The following ABR variants were observed in gnomAD, a reference collection of about 807,000 sequenced individuals.
ABR encodes ABR activator of RhoGEF and GTPase.
In ABR, 35 loss-of-function variants were observed where a neutral mutation model predicts 107.2. The observed-to-expected ratio is 0.33, with a 90% CI of 0.25 to 0.43. The LOEUF (loss-of-function observed/expected upper bound fraction) is 0.43, where lower values mean the gene tolerates loss of function less well. Among genes scored for constraint, ABR ranks in the 20% least tolerant of loss-of-function variants. ABR has a pLI of 1.00. For missense variants in ABR, 815 were observed against 1,115.2 expected (o/e 0.73, Z 3.83); for synonymous variants, 498 against 462.0 (o/e 1.08, Z -1.00).
intron 1 of ABR, among the ~76,000 whole-genome samples, chr17:1,138,792 A>C (rs1016406581): frequency 4.6e-5 from 7 of 152,200 alleles, no homozygotes; most frequent in Non-Finnish European, 7.3e-5. Context: ...AAACTTCTTA[A>C]AAATTTAAAA....
At chr17:1,056,334 G>A (rs557409018) in intron 13 of ABR, among the ~76,000 whole-genome samples, 1 of 152,138 alleles carries the variant, frequency 6.6e-6, no homozygotes, top group South Asian at 2.1e-4. Flanking sequence ...CAGCCTGGGG[G>A]GGTCCAGCAC....
intron 1 of ABR, among the ~76,000 whole-genome samples, chr17:1,159,296 C>G (rs370496123): frequency 2.0e-5 from 1 of 49,740 alleles, no homozygotes; most frequent in Non-Finnish European, 4.2e-5. Context: ...GGTAAGAATG[C>G]GGTACTCACA....
Position 1,200,538 on chromosome 17 carries a change from G to A in ABR, c.838+28255C>T, listed in dbSNP as rs2042651698. On this transcript the variant is annotated intron_variant, in intron 1 of 22. Coordinates refer to the ABR transcript ENST00000574139. This position sits in a 1 kb window ranked among gnomAD's most constrained non-coding sequence, Gnocchi z 4.1. ...ATGGAGGGACAGGTGTAATTGGAGT[G>A]GCTCTCCAGACTGTGCCCAGGAATT... 6.6e-6 allele frequency among the ~76,000 whole-genome samples: 1 copy of A among 151,966 alleles called. No individual in the cohort carries two copies. Among genetic ancestry groups the A allele is most frequent in the African/African-American group, 2.4e-5 (1 of 41,374 alleles).
chr17:1,167,070 G>A (rs114169080), intron 1 of ABR, among the ~76,000 whole-genome samples: 2,260 of 152,140 alleles, frequency 0.015, 59 homozygotes, highest in African/African-American at 0.051. Flanking sequence ...ATCAAAATGT[G>A]CATGTCCATC....
At chr17:1,156,993 C>T (rs987826382) in intron 1 of ABR, among the ~76,000 whole-genome samples, 17 of 152,222 alleles carry the variant, frequency 1.1e-4, no homozygotes, top group African/African-American at 3.9e-4. Context: ...CAGGCTCTGA[C>T]GCACAGGCAG....
At position 1,096,664 on chromosome 17, in the gene ABR, G is replaced by C. The variant is rs111873084; in HGVS notation, c.345+3973C>G. Among the ~76,000 whole-genome samples the C allele has an allele frequency of 3.1e-3, 471 of 152,282 alleles. 3 individuals are homozygous for C. The highest frequency in any genetic ancestry group is 0.011 in the African/African-American group (450 of 41,548). On this transcript the variant is annotated intron_variant, in intron 3 of 22. Transcript: ENST00000302538. ...GAAAGAGCCAAGCAGGGGCCCAGGAGGAGAGAGCTGGGGGAAGGTGGGGAA... is the reference window on the plus strand; with the variant it reads ...GAAAGAGCCAAGCAGGGGCCCAGGACGAGAGAGCTGGGGGAAGGTGGGGAA...
intron 10 of ABR, among the ~76,000 whole-genome samples, chr17:1,063,446 G>A (rs1298573599): frequency 6.7e-6 from 1 of 148,876 alleles, no homozygotes; most frequent in Admixed American, 6.8e-5. Context: ...TACGTGAACT[G>A]AGGGCTATGC....
chr17:1,124,321 C>G (rs140100996), intron 2 of ABR, among the ~76,000 whole-genome samples: 78 of 152,268 alleles, frequency 5.1e-4, no homozygotes, highest in Non-Finnish European at 9.4e-4. Flanking sequence ...GAAGGCAGGA[C>G]GGAGACCCCC....
At chr17:1,153,929 T>A (rs1384391404) in intron 1 of ABR, 2 of 173,606 alleles carry the variant, frequency 1.2e-5, no homozygotes, top group Non-Finnish European at 2.5e-5. Flanking sequence ...GTGGTCACCA[T>A]AGCAACAGGC....
At chr17:1,067,010 CTG>C (rs2034807734) in intron 10 of ABR, 65 bp downstream of exon 10, 2 of 1,551,552 alleles carry the variant, frequency 1.3e-6, no homozygotes, top group African/African-American at 1.4e-5. Context: ...TTACAACTTC[CTG>C]CCTCCACCTC....
At chr17:1,122,254 G>A (rs986281874) in intron 2 of ABR, among the ~76,000 whole-genome samples, 2 of 152,210 alleles carry the variant, frequency 1.3e-5, no homozygotes, top group African/African-American at 4.8e-5. Flanking sequence ...TCCATCCTGG[G>A]TGGCTGAAGG....
intron 10 of ABR, among the ~76,000 whole-genome samples, chr17:1,059,243 G>C (rs1036439705): frequency 6.6e-6 from 1 of 152,144 alleles, no homozygotes; most frequent in Non-Finnish European, 1.5e-5. Context: ...CAGGGCTGCC[G>C]ACATAACGGA....
chr17:1,098,531 A>C (rs2037642072), intron 3 of ABR, among the ~76,000 whole-genome samples: 1 of 152,200 alleles, frequency 6.6e-6, no homozygotes, highest in Admixed American at 6.5e-5. Flanking sequence ...ATTGGTTTAA[A>C]AATGCTGGTT....
At position 1,042,916 on chromosome 17, in the gene ABR, A is replaced by G. The variant is rs1011211029; in HGVS notation, c.1791+7134T>C. Reference sequence around the variant, plus strand: ...GGAGGAAATTCAGACACACAACGGCATATGGGTGAAGCTCAAGGACATGAG... The same window carrying G: ...GGAGGAAATTCAGACACACAACGGCGTATGGGTGAAGCTCAAGGACATGAG... On this transcript the variant is annotated intron_variant, in intron 16 of 22. Coordinates refer to ENST00000302538, the MANE Select transcript of ABR (RefSeq NM_021962.5). Among the ~76,000 whole-genome samples the G allele has an allele frequency of 1.8e-4, 27 of 152,222 alleles. 1 individual carries two copies. The highest frequency in any genetic ancestry group is 6.5e-4 in the African/African-American group (27 of 41,450).
intron 1 of ABR, among the ~76,000 whole-genome samples, chr17:1,186,648 T>G (rs2042305051): frequency 6.6e-6 from 1 of 152,144 alleles, no homozygotes. Flanking sequence ...GAGCCACCGT[T>G]TTAGGAGGGT....
chr17:1,153,974 T>TA, intron 1 of ABR: 1 of 166,964 alleles, frequency 6.0e-6, no homozygotes, highest in Non-Finnish European at 1.3e-5. Flanking sequence ...GCTGATGCAA[T>TA]TCTCGGCAGC....
chr17:1,205,167 G>T (rs66782701), intron 1 of ABR, among the ~76,000 whole-genome samples: 54,041 of 151,942 alleles, frequency 0.36, 11,074 homozygotes, highest in Non-Finnish European at 0.48. Flanking sequence ...CTCCCAAAGT[G>T]CTGGGATTGC....
chr17:1,081,778 C>T (rs983618604), intron 5 of ABR, among the ~76,000 whole-genome samples: 3 of 151,298 alleles, frequency 2.0e-5, no homozygotes, highest in Admixed American at 6.6e-5. Context: ...CGTTTCGCCA[C>T]GTTGGCCAGG....
In ABR at chr17:1,179,721, G is replaced by C. The variant is rs1245741460; in HGVS notation, c.7C>G (p.Pro3Ala). The C allele has an allele frequency of 4.5e-6, 7 of 1,540,920 alleles. No individual in the cohort carries two copies. The highest frequency in any genetic ancestry group is 6.1e-6 in the Non-Finnish European group (7 of 1,143,122). The part of the protein sequence containing the change: ME[P>A]LSHRGLPRLS... ...CGCGGCAGGCCCCGGTGGCTGAGCG[G>C]CTCCATCCCGCGGCGGCGGCTCGGT... is the stretch of plus-strand genomic sequence containing the variant. Residue 3 changes from proline (P) to alanine (A), a missense_variant, in exon 1 of 23, where the codon CCG (proline) becomes GCG (alanine). Transcript: ENST00000302538. This position sits in a 1 kb window ranked among gnomAD's most constrained non-coding sequence, Gnocchi z 4.9.
Sources: gnomAD v4.1 joint callset for allele counts (sites outside exome capture counted in the v4.1 genomes callset) on GRCh38, gnomAD v4.1.1 for gene constraint, Gnocchi (gnomAD v3.1) non-coding constraint, MANE v1.5 for transcripts, NCBI Gene and HGNC (gene_info 2026-07-23, HGNC 2026-07-21) for gene names.